The following TEKTL1 variants were observed in gnomAD, a reference collection of about 807,000 sequenced individuals.
TEKTL1 encodes tektin-like protein 1.
the TEKTL1 span, chr19:15,011,085 C>A: frequency 6.4e-7 from 1 of 1,570,248 alleles, no homozygotes. Flanking sequence ...TTGGAGAAGC[C>A]GCCGCCAGGC....
At chr19:15,012,714 G>A in the TEKTL1 span, among the ~76,000 whole-genome samples, 115 of 151,722 alleles carry the variant, frequency 7.6e-4, no homozygotes, top group African/African-American at 2.7e-3. Flanking sequence ...GAGAGAGGGT[G>A]CAGCCCCTGA....
the TEKTL1 span, among the ~76,000 whole-genome samples, chr19:15,015,856 C>G: frequency 6.6e-6 from 1 of 152,152 alleles, no homozygotes; most frequent in African/African-American, 2.4e-5. Flanking sequence ...ATCTATTTTA[C>G]TACAATAAAA....
the TEKTL1 span, among the ~76,000 whole-genome samples, chr19:15,018,290 G>T: frequency 6.6e-6 from 1 of 152,156 alleles, no homozygotes; most frequent in South Asian, 2.1e-4. Context: ...GGAGGCAGAG[G>T]TTTCAGTGAG....
At chr19:15,010,816 A>G in the TEKTL1 span, 1 of 1,526,884 alleles carries the variant, frequency 6.5e-7, no homozygotes, top group African/African-American at 1.4e-5. Flanking sequence ...CGAGAGACCA[A>G]GCAGGGACCA....
At chr19:15,021,502 G>A in the TEKTL1 span, 1 of 1,614,140 alleles carries the variant, frequency 6.2e-7, no homozygotes, top group Non-Finnish European at 8.5e-7. Context: ...GAAGGCGAGC[G>A]AGACCTTGGA....
the TEKTL1 span, among the ~76,000 whole-genome samples, chr19:15,022,298 C>A: frequency 2.7e-5 from 4 of 147,176 alleles, no homozygotes; most frequent in Non-Finnish European, 6.0e-5. Flanking sequence ...ATAGAATACC[C>A]TTAAAGCTGC....
the TEKTL1 span, among the ~76,000 whole-genome samples, chr19:15,018,901 C>T: frequency 1.3e-5 from 2 of 151,076 alleles, no homozygotes; most frequent in Non-Finnish European, 2.9e-5. Flanking sequence ...CCAACTCATC[C>T]ATGTGTTTAT....
At chr19:15,010,941 G>A in the TEKTL1 span, 2 of 1,587,230 alleles carry the variant, frequency 1.3e-6, no homozygotes, top group African/African-American at 2.7e-5. Flanking sequence ...ACCGATCGCT[G>A]CGGGCAGGAG....
chr19:15,012,054 G>C, the TEKTL1 span, among the ~76,000 whole-genome samples: 1 of 151,352 alleles, frequency 6.6e-6, no homozygotes, highest in African/African-American at 2.4e-5. Flanking sequence ...CCAGGAGTTG[G>C]AGACCAGCCT....
chr19:15,020,655 C>G, the TEKTL1 span: 1 of 1,612,620 alleles, frequency 6.2e-7, no homozygotes, highest in Admixed American at 1.7e-5. Flanking sequence ...GCACCTATAA[C>G]CCAGGTAGGA....
chr19:15,014,748 T>A, the TEKTL1 span, among the ~76,000 whole-genome samples: 1 of 134,792 alleles, frequency 7.4e-6, no homozygotes, highest in African/African-American at 3.1e-5. Flanking sequence ...CGGGGGCTGC[T>A]GAAACGCTGT....
the TEKTL1 span, chr19:15,010,832 G>T: frequency 2.6e-6 from 4 of 1,537,944 alleles, no homozygotes; most frequent in Non-Finnish European, 3.5e-6. Flanking sequence ...GACCATGCGC[G>T]TGTTGGTACC....
chr19:15,015,989 T>C, the TEKTL1 span, among the ~76,000 whole-genome samples: 1 of 151,976 alleles, frequency 6.6e-6, no homozygotes, highest in Non-Finnish European at 1.5e-5. Context: ...AAACTGCATT[T>C]GAATAAGCAT....
chr19:15,013,616 G>A, the TEKTL1 span: 3 of 1,333,888 alleles, frequency 2.2e-6, no homozygotes, highest in Non-Finnish European at 2.1e-6. Context: ...CTGGAAAGAG[G>A]AATCTCTTCC....
At chr19:15,014,660 G>A in the TEKTL1 span, among the ~76,000 whole-genome samples, 1 of 149,296 alleles carries the variant, frequency 6.7e-6, no homozygotes, top group Admixed American at 6.8e-5. Flanking sequence ...CTGGGGAGTG[G>A]GGAGGAGGGG....
the TEKTL1 span, chr19:15,021,461 T>A: frequency 6.2e-7 from 1 of 1,614,096 alleles, no homozygotes; most frequent in South Asian, 1.1e-5. Flanking sequence ...CAGCTGCAGA[T>A]AAGCGACCGT....
chr19:15,018,728 A>ATC, the TEKTL1 span, among the ~76,000 whole-genome samples: 1 of 124,426 alleles, frequency 8.0e-6, no homozygotes, highest in Non-Finnish European at 1.7e-5. Context: ...ATGTATATAT[A>ATC]TATAACTTCC....
the TEKTL1 span, among the ~76,000 whole-genome samples, chr19:15,017,371 G>T: frequency 7.9e-6 from 1 of 125,978 alleles, no homozygotes; most frequent in Non-Finnish European, 1.9e-5. Context: ...TGTTTATAAG[G>T]GTGTATATAT....
the TEKTL1 span, chr19:15,022,973 A>T: frequency 1.2e-6 from 2 of 1,613,514 alleles, no homozygotes; most frequent in Non-Finnish European, 8.5e-7. Flanking sequence ...CTGCAAGAAC[A>T]TCGGGCATGA....
Sources: allele counts gnomAD v4.1 joint callset (sites outside exome capture counted in the v4.1 genomes callset), GRCh38; gene constraint gnomAD v4.1.1; transcripts MANE v1.5; gene names NCBI Gene and HGNC (gene_info 2026-07-23, HGNC 2026-07-21).